PREX2: variants seen among roughly 807,000 people sequenced by gnomAD.
The protein encoded by PREX2 is phosphatidylinositol 3,4,5-trisphosphate-dependent Rac exchanger 2 protein.
PREX2 carries 107 observed loss-of-function variants against 203.2 expected under a neutral mutation model. The observed-to-expected ratio is 0.53, with a 90% CI of 0.45 to 0.62. PREX2 has a LOEUF of 0.62. PREX2 is among the 20% of genes least tolerant of loss of function. PREX2 has a pLI of 0.00. For synonymous variants in PREX2, 672 were observed against 663.6 expected (o/e 1.01, Z -0.19); for missense variants, 1,777 against 1,955.9 (o/e 0.91, Z 1.72).
At chr8:68,001,636 C>T (rs184298503) in intron 1 of PREX2, among the ~76,000 whole-genome samples, 90 of 152,226 alleles carry the variant, frequency 5.9e-4, no homozygotes, top group African/African-American at 2.0e-3. Flanking sequence ...CATAAAGATA[C>T]GTGCACATGT....
chr8:68,197,831 A>G (rs1210353965), intron 37 of PREX2, among the ~76,000 whole-genome samples: 2 of 149,834 alleles, frequency 1.3e-5, no homozygotes, highest in South Asian at 2.1e-4. Flanking sequence ...TACATATAAA[A>G]TGAGCACATA....
chr8:68,111,372 ACTTTGT>A (rs1411407474), intron 25 of PREX2, among the ~76,000 whole-genome samples: 4 of 151,812 alleles, frequency 2.6e-5, no homozygotes, highest in African/African-American at 7.3e-5. Flanking sequence ...AATCCTCCAG[ACTTTGT>A]CTTTGTTAAT....
chr8:68,158,514 T>C (rs953757587), intron 35 of PREX2, among the ~76,000 whole-genome samples: 20 of 152,142 alleles, frequency 1.3e-4, no homozygotes, highest in African/African-American at 4.6e-4. Context: ...AGTGAGCTGA[T>C]ACAAAGTTGT....
At chr8:68,180,049 C>T (rs930806328) in intron 35 of PREX2, among the ~76,000 whole-genome samples, 1 of 152,066 alleles carries the variant, frequency 6.6e-6, no homozygotes, top group Admixed American at 6.6e-5. Flanking sequence ...TCAATTGTTT[C>T]CTTCATTCAA....
chr8:68,206,204 C>G (rs1015168558), intron 37 of PREX2, among the ~76,000 whole-genome samples: 2 of 152,148 alleles, frequency 1.3e-5, no homozygotes, highest in African/African-American at 4.8e-5. Flanking sequence ...CCTCGTCTCT[C>G]AGGGACTTAT....
chr8:67,968,632 T>C (rs1391823492), intron 1 of PREX2, among the ~76,000 whole-genome samples: 1 of 152,196 alleles, frequency 6.6e-6, no homozygotes, highest in Admixed American at 6.5e-5. Context: ...TCATACATCA[T>C]AAAAGTTAAA....
At chr8:68,017,442 A>G (rs997873006) in intron 1 of PREX2, among the ~76,000 whole-genome samples, 7 of 152,202 alleles carry the variant, frequency 4.6e-5, no homozygotes, top group East Asian at 1.9e-4. Context: ...CTATTTATCT[A>G]TCTCTAATTT....
intron 34 of PREX2, among the ~76,000 whole-genome samples, chr8:68,149,034 A>G (rs1359121025): frequency 3.9e-5 from 6 of 152,232 alleles, no homozygotes; most frequent in African/African-American, 1.2e-4. Flanking sequence ...TATTTAAAGC[A>G]TTTTAGTTTT....
At chr8:68,019,386 G>A (rs971277297) in intron 2 of PREX2, among the ~76,000 whole-genome samples, 163 bp from the exon 3 acceptor site, 2 of 152,180 alleles carry the variant, frequency 1.3e-5, no homozygotes, top group African/African-American at 2.4e-5. Flanking sequence ...GAGTTGTGTC[G>A]GCGGCGTGAA....
rs113283091 is a variant in PREX2, at chr8:67,954,962, G to A, written c.141+2427G>A. On this transcript the variant is annotated intron_variant, in intron 1 of 39. Transcript: ENST00000288368. ...GTTCAAGACAAGCCTGGCCAACATG[G>A]TGAAACCCCGTCTCTACTAAAAATA... Among the ~76,000 whole-genome samples the A allele has an allele frequency of 2.1e-3, 316 of 151,942 alleles. 1 individual carries two copies. The highest frequency in any genetic ancestry group is 7.4e-3 in the African/African-American group (305 of 41,444).
At chr8:67,955,553 A>T (rs1230508434) in intron 1 of PREX2, among the ~76,000 whole-genome samples, 2 of 152,102 alleles carry the variant, frequency 1.3e-5, no homozygotes, top group Admixed American at 6.5e-5. Context: ...CTTGCTTTGT[A>T]TCCACTCTAC....
chr8:68,052,467 CA>C (rs1808551894), intron 8 of PREX2, among the ~76,000 whole-genome samples: 1 of 152,110 alleles, frequency 6.6e-6, no homozygotes, highest in Non-Finnish European at 1.5e-5. Flanking sequence ...AATTTATCTT[CA>C]AAAATTTTTT....
chr8:67,970,277 A>G (rs370952654), intron 1 of PREX2, among the ~76,000 whole-genome samples: 1 of 152,174 alleles, frequency 6.6e-6, no homozygotes, highest in South Asian at 2.1e-4. Context: ...TAAAGTTCAG[A>G]TACAGTTTAA....
chr8:68,091,037 A>C (rs971638680), intron 20 of PREX2, among the ~76,000 whole-genome samples: 3 of 152,186 alleles, frequency 2.0e-5, no homozygotes, highest in African/African-American at 7.2e-5. Context: ...TGATTGCTTT[A>C]GAATATGTAA....
chr8:68,218,708 G>GA (rs1165675021), intron 38 of PREX2, among the ~76,000 whole-genome samples: 1 of 152,192 alleles, frequency 6.6e-6, no homozygotes, highest in African/African-American at 2.4e-5. Context: ...CAAAGCCCAT[G>GA]AAAAAGTCAA....
At chr8:67,983,346 G>A (rs1279716243) in intron 1 of PREX2, among the ~76,000 whole-genome samples, 1 of 152,256 alleles carries the variant, frequency 6.6e-6, no homozygotes, top group East Asian at 1.9e-4. Flanking sequence ...GCCCAGCTGT[G>A]CTGGCTGAGT....
At chr8:68,067,708 A>C (rs989705198) in intron 11 of PREX2, among the ~76,000 whole-genome samples, 1 of 151,950 alleles carries the variant, frequency 6.6e-6, no homozygotes, top group Non-Finnish European at 1.5e-5. Context: ...AATGTCTTTT[A>C]TTTCTTTTTC....
intron 34 of PREX2, among the ~76,000 whole-genome samples, chr8:68,155,018 A>G (rs1261805145): frequency 6.6e-6 from 1 of 152,124 alleles, no homozygotes; most frequent in African/African-American, 2.4e-5. Context: ...TTGTGGGAAA[A>G]GTCCTTCTAG....
chr8:68,165,373 C>T (rs751137417), intron 35 of PREX2, among the ~76,000 whole-genome samples: 1 of 152,104 alleles, frequency 6.6e-6, no homozygotes, highest in East Asian at 1.9e-4. Flanking sequence ...TTTGGAGACC[C>T]ATCTTGTTCA....
Sources: gnomAD v4.1 joint callset for allele counts (sites outside exome capture counted in the v4.1 genomes callset) on GRCh38, gnomAD v4.1.1 for gene constraint, MANE v1.5 for transcripts, NCBI Gene and HGNC (gene_info 2026-07-23, HGNC 2026-07-21) for gene names.